Variants in OPRM1 observed in about 807,000 individuals in gnomAD.
OPRM1 encodes opioid receptor mu 1, also known as mu-type opioid receptor.
Under a neutral mutation model 31.8 loss-of-function variants are expected in OPRM1, and 27 were observed. The ratio of observed to expected loss-of-function variants is 0.85; its 90% CI spans 0.63 to 1.17. The LOEUF (loss-of-function observed/expected upper bound fraction) is 1.17. Ranked by LOEUF, OPRM1 falls within the 50% of genes most tolerant of loss-of-function variation. The probability of loss-of-function intolerance (pLI) is 0.00; values close to 1 mark genes in which losing one functional copy is unlikely to be tolerated. For missense variants in OPRM1, 536 were observed against 511.1 expected, an observed-to-expected ratio of 1.05 and a Z score of -0.47; for synonymous variants, 196 against 189.9, an observed-to-expected ratio of 1.03 and a Z score of -0.26.
intron 3 of OPRM1, chr6:154,223,326 G>GTAT (rs1019980675): frequency 9.4e-7 from 1 of 1,066,230 alleles, no homozygotes; most frequent in African/African-American, 1.6e-5. Flanking sequence ...ATGGAATAGG[G>GTAT]ATGGTATAAA....
intron 3 of OPRM1, among the ~76,000 whole-genome samples, chr6:154,148,846 A>G (rs1163477529): frequency 6.6e-6 from 1 of 152,238 alleles, no homozygotes; most frequent in African/African-American, 2.4e-5. Flanking sequence ...TGGCTTGAAC[A>G]TTTAGAAACC....
chr6:154,063,315 C>A (rs1293094683), intron 1 of OPRM1, among the ~76,000 whole-genome samples: 1 of 151,864 alleles, frequency 6.6e-6, no homozygotes, highest in Non-Finnish European at 1.5e-5. Context: ...GCTTACTGTA[C>A]TTTATTTATT....
At chr6:154,245,150 C>T (rs1326363665) in intron 3 of OPRM1, among the ~76,000 whole-genome samples, 2 of 151,882 alleles carry the variant, frequency 1.3e-5, no homozygotes, top group East Asian at 1.9e-4. Flanking sequence ...ACATGCTAGA[C>T]AAGATGAAGA....
At chr6:154,214,362 G>A in intron 3 of OPRM1, 1 of 927,256 alleles carries the variant, frequency 1.1e-6, no homozygotes, top group East Asian at 2.4e-5. Flanking sequence ...TATGAAATTA[G>A]GTCATGATTC....
intron 3 of OPRM1, among the ~76,000 whole-genome samples, chr6:154,096,968 A>G (rs1793502399): frequency 6.6e-6 from 1 of 152,232 alleles, no homozygotes; most frequent in African/African-American, 2.4e-5. Context: ...TTTAAACTGT[A>G]CCTTCATCTC....
At chr6:154,102,653 T>G (rs1795009356) in intron 3 of OPRM1, among the ~76,000 whole-genome samples, 1 of 152,072 alleles carries the variant, frequency 6.6e-6, no homozygotes, top group Admixed American at 6.5e-5. Context: ...CCCACCCATC[T>G]CCCACTGTGA....
In OPRM1 at chr6:154,202,927, C is replaced by T. The variant is rs145239066; in HGVS notation, c.1165-43766C>T. ...GAAAAGGAAAATGAGAAAGTGACTA[C>T]ATATTCAGGTCAGGGGGAGTTTTCA... On this transcript the variant is annotated intron_variant, in intron 3 of 3. Coordinates refer to the OPRM1 transcript ENST00000337049. Among the ~76,000 whole-genome samples, 28 of 152,274 alleles carry T rather than the reference C, an allele frequency of 1.8e-4. No individual in the cohort carries two copies. In the East Asian group the frequency reaches 2.9e-3, roughly 16 times the overall value.
intron 3 of OPRM1, among the ~76,000 whole-genome samples, chr6:154,194,287 T>A (rs964520215): frequency 1.6e-4 from 24 of 152,094 alleles, no homozygotes; most frequent in African/African-American, 5.6e-4. Context: ...TAATCCCAGC[T>A]ACTTGGGAGG....
chr6:154,235,788 G>A (rs1034716821), intron 3 of OPRM1, among the ~76,000 whole-genome samples: 40 of 152,254 alleles, frequency 2.6e-4, no homozygotes, highest in African/African-American at 8.4e-4. Context: ...AAGCACATGC[G>A]AAAGTTGCTC....
chr6:154,212,400 A>G (rs1778034559), intron 3 of OPRM1, among the ~76,000 whole-genome samples: 1 of 151,884 alleles, frequency 6.6e-6, no homozygotes, highest in Non-Finnish European at 1.5e-5. Flanking sequence ...TTCATTTTGC[A>G]TTGTTATAGT....
intron 3 of OPRM1, among the ~76,000 whole-genome samples, chr6:154,112,139 T>C (rs1023968574): frequency 3.3e-5 from 5 of 152,216 alleles, no homozygotes; most frequent in Admixed American, 1.3e-4. Context: ...TCTATGTATC[T>C]AACATATGTG....
At position 154,204,475 on chromosome 6, in the gene OPRM1, T is replaced by G. The variant is rs563781175; in HGVS notation, c.1165-42218T>G. On this transcript the variant is annotated intron_variant, in intron 3 of 3. Transcript: ENST00000337049. ...CAAAAACAAAAAATAAACCAGTCAA[T>G]TGTTGTTAAGCCCCAGGAAGTATCA... Among the ~76,000 whole-genome samples the G allele has an allele frequency of 3.3e-5, 5 of 152,274 alleles. No individual in the cohort carries two copies. In the South Asian group the frequency reaches 8.3e-4, roughly 25 times the overall value.
intron 1 of OPRM1, among the ~76,000 whole-genome samples, chr6:154,062,259 A>G (rs1282173368): frequency 2.0e-5 from 3 of 152,178 alleles, no homozygotes; most frequent in African/African-American, 4.8e-5. Flanking sequence ...AAAGTATTGC[A>G]TTAGAGAGCT....
chr6:154,066,400 G>A (rs1482607042), intron 1 of OPRM1, among the ~76,000 whole-genome samples: 1 of 151,780 alleles, frequency 6.6e-6, no homozygotes, highest in African/African-American at 2.4e-5. Flanking sequence ...TCAGGACCAG[G>A]GCTTTTGTTT....
intron 3 of OPRM1, among the ~76,000 whole-genome samples, chr6:154,147,186 A>T (rs145059782): frequency 1.4e-3 from 218 of 152,274 alleles, no homozygotes; most frequent in African/African-American, 4.9e-3. Context: ...GCCACCATTC[A>T]CTGTAATTTG....
In OPRM1 at chr6:154,122,995, A is replaced by G. The variant is rs562779826; in HGVS notation, c.*4274A>G. 2.0e-4 allele frequency among the ~76,000 whole-genome samples: 31 copies of G among 152,298 alleles called. No homozygotes were observed. Among genetic ancestry groups the G allele is most frequent in the African/African-American group, 7.2e-4 (30 of 41,578 alleles). On this transcript the variant is annotated 3_prime_UTR_variant, in exon 4 of 4. Coordinates refer to ENST00000330432, the MANE Select transcript of OPRM1 (RefSeq NM_000914.5). ...CAACCAAGAAAATTAAGGAGCATGG[A>G]CACAAAGGGTGAGGTTGGAGCAAAA... is the stretch of plus-strand genomic sequence containing the variant.
At chr6:154,105,808 T>C (rs918314568) in intron 3 of OPRM1, among the ~76,000 whole-genome samples, 1 of 152,238 alleles carries the variant, frequency 6.6e-6, no homozygotes, top group Non-Finnish European at 1.5e-5. Context: ...ACACTTCCTC[T>C]ATGATTTTTA....
At chr6:154,170,260 T>C (rs937434666) in intron 3 of OPRM1, among the ~76,000 whole-genome samples, 4 of 152,004 alleles carry the variant, frequency 2.6e-5, no homozygotes, top group Non-Finnish European at 4.4e-5. Context: ...GTTTATATGT[T>C]TCACTTCCTG....
intron 3 of OPRM1, among the ~76,000 whole-genome samples, chr6:154,227,118 C>T (rs1051715187): frequency 2.0e-5 from 3 of 151,952 alleles, no homozygotes; most frequent in African/African-American, 7.3e-5. Flanking sequence ...GCAGGAGAAT[C>T]GCTTGAACCT....
Sources: allele counts gnomAD v4.1 joint callset (sites outside exome capture counted in the v4.1 genomes callset), GRCh38; gene constraint gnomAD v4.1.1; transcripts MANE v1.5; gene names NCBI Gene and HGNC (gene_info 2026-07-23, HGNC 2026-07-21).